The following HECW2 variants were observed in gnomAD, a reference collection of about 807,000 sequenced individuals.
HECW2 encodes the protein E3 ubiquitin-protein ligase HECW2.
In HECW2, 61 loss-of-function variants were observed where a neutral mutation model predicts 175.2. That is an observed-to-expected ratio of 0.35 (90% CI 0.28 to 0.43). HECW2 has a LOEUF of 0.43. Ranked by LOEUF, HECW2 falls within the 20% of genes least tolerant of loss-of-function variation. The pLI is 1.00. For missense variants in HECW2, 1,524 were observed against 2,000.5 expected, an observed-to-expected ratio of 0.76 and a Z score of 4.54; for synonymous variants, 671 against 731.0, an observed-to-expected ratio of 0.92 and a Z score of 1.32.
intron 14 of HECW2, chr2:196,291,139 CT>C (rs1690587890): frequency 6.6e-6 from 1 of 151,956 alleles, no homozygotes; most frequent in African/African-American, 2.4e-5. Flanking sequence ...GTAAAGTTCC[CT>C]CTGCTAGAGG....
chr2:196,397,040 A>T (rs1694687578), intron 2 of HECW2, among the ~76,000 whole-genome samples: 1 of 152,134 alleles, frequency 6.6e-6, no homozygotes, highest in East Asian at 1.9e-4. Context: ...TGAACCCGGG[A>T]GGCGGAGCTT....
At chr2:196,549,950 G>A (rs974891873) in intron 1 of HECW2, among the ~76,000 whole-genome samples, 3 of 152,208 alleles carry the variant, frequency 2.0e-5, no homozygotes, top group African/African-American at 2.4e-5. Context: ...ATGATTCAGT[G>A]GTTGAAGGAG....
intron 2 of HECW2, among the ~76,000 whole-genome samples, chr2:196,419,088 T>C (rs1695336555): frequency 6.6e-6 from 1 of 152,182 alleles, no homozygotes; most frequent in Admixed American, 6.5e-5. Context: ...GTGCTCAGCC[T>C]ACAACATGAA....
chr2:196,400,919 A>G (rs1210318555), intron 2 of HECW2, among the ~76,000 whole-genome samples: 1 of 152,184 alleles, frequency 6.6e-6, no homozygotes, highest in Non-Finnish European at 1.5e-5. Flanking sequence ...AAAAAGAGTT[A>G]TAAAACTTCA....
intron 28 of HECW2, among the ~76,000 whole-genome samples, chr2:196,207,871 A>G (rs765827830): frequency 1.1e-4 from 17 of 152,360 alleles, no homozygotes; most frequent in Non-Finnish European, 2.2e-4. Context: ...ATAGGGGGGA[A>G]TTCCTGTATC....
intron 2 of HECW2, among the ~76,000 whole-genome samples, chr2:196,382,011 A>C (rs1421112725): frequency 6.6e-6 from 1 of 152,198 alleles, no homozygotes; most frequent in African/African-American, 2.4e-5. Flanking sequence ...ACATCTCAAC[A>C]ATAAAAGTGT....
chr2:196,341,381 T>C (rs192760709), intron 3 of HECW2, among the ~76,000 whole-genome samples: 6 of 149,792 alleles, frequency 4.0e-5, no homozygotes, highest in Admixed American at 3.9e-4. Flanking sequence ...ACCAGGATCC[T>C]TTCAAAGGAG....
At chr2:196,297,716 G>A (rs943535514) in intron 13 of HECW2, among the ~76,000 whole-genome samples, 3 of 152,190 alleles carry the variant, frequency 2.0e-5, no homozygotes, top group Non-Finnish European at 4.4e-5. Flanking sequence ...GGAAAAGCAC[G>A]TCACCAAATC....
At chr2:196,362,222 ACC>A (rs1437930283) in intron 2 of HECW2, 1 of 984,636 alleles carries the variant, frequency 1.0e-6, no homozygotes, top group Non-Finnish European at 1.2e-6. Flanking sequence ...TCGTGGCCAC[ACC>A]CCTGTAAAGG....
intron 2 of HECW2, among the ~76,000 whole-genome samples, chr2:196,373,595 C>G (rs1693964622): frequency 6.6e-6 from 1 of 152,092 alleles, no homozygotes; most frequent in Non-Finnish European, 1.5e-5. Context: ...ACCTTCTAAC[C>G]TATTTCAGGG....
At chr2:196,305,211 A>G (rs1316659155) in intron 13 of HECW2, among the ~76,000 whole-genome samples, 2 of 152,230 alleles carry the variant, frequency 1.3e-5, no homozygotes, top group African/African-American at 2.4e-5. Context: ...GTCTTAGCTC[A>G]GTGCCTAGCA....
At chr2:196,249,659 G>A (rs1260415523) in intron 19 of HECW2, among the ~76,000 whole-genome samples, 1 of 152,216 alleles carries the variant, frequency 6.6e-6, no homozygotes, top group Non-Finnish European at 1.5e-5. Flanking sequence ...GGTAGAAGGA[G>A]AAGCTATTTT....
At chr2:196,425,466 T>C (rs1695517338) in intron 2 of HECW2, among the ~76,000 whole-genome samples, 1 of 152,154 alleles carries the variant, frequency 6.6e-6, no homozygotes, top group Non-Finnish European at 1.5e-5. Flanking sequence ...TGGAAGGGAT[T>C]CACCATTCTA....
At chr2:196,302,972 G>C (rs549542706) in intron 13 of HECW2, among the ~76,000 whole-genome samples, 41 of 152,344 alleles carry the variant, frequency 2.7e-4, no homozygotes, top group African/African-American at 8.9e-4. Context: ...TGGTGGCAGA[G>C]AGCATCCTTG....
chr2:196,394,702 T>C (rs897171477), intron 2 of HECW2, among the ~76,000 whole-genome samples: 7 of 152,092 alleles, frequency 4.6e-5, no homozygotes, highest in African/African-American at 1.4e-4. Context: ...GAAAGAAAAA[T>C]GGCTTTGAAA....
chr2:196,579,378 C>G lies in HECW2; in HGVS notation c.-36+14130G>C, dbSNP rs76021383. 1.7e-3 allele frequency among the ~76,000 whole-genome samples: 258 copies of G among 152,032 alleles called. 1 individual carries two copies. The highest frequency in any genetic ancestry group is 6.0e-3 in the African/African-American group (250 of 41,500). On this transcript the variant is annotated intron_variant, in intron 1 of 28. Coordinates refer to ENST00000644978, the MANE Select transcript of HECW2 (RefSeq NM_001348768.2). The stretch of plus-strand genomic sequence containing the variant: ...AGACAAGTAGAAGACATGTAGAAAA[C>G]AAACAGGAAAGAGACAGACATAAAT...
intron 7 of HECW2, 82 bp downstream of exon 7, chr2:196,322,396 G>C (rs540049785): frequency 6.3e-5 from 74 of 1,174,416 alleles, no homozygotes; most frequent in Non-Finnish European, 8.4e-5. Context: ...AGTATGAAAA[G>C]TCCTAGGACT....
chr2:196,369,231 C>T (rs777811858), intron 2 of HECW2, among the ~76,000 whole-genome samples: 73 of 152,192 alleles, frequency 4.8e-4, no homozygotes, highest in Non-Finnish European at 9.1e-4. Context: ...GTGAGTCTTG[C>T]AGACTCCTAT....
intron 14 of HECW2, among the ~76,000 whole-genome samples, chr2:196,282,252 G>A (rs1022485251): frequency 1.3e-5 from 2 of 152,274 alleles, no homozygotes; most frequent in East Asian, 1.9e-4. Flanking sequence ...ATGATCCTTC[G>A]TTCTGTCCTT....
Sources: gnomAD v4.1 joint callset for allele counts (sites outside exome capture counted in the v4.1 genomes callset) on GRCh38, gnomAD v4.1.1 for gene constraint, MANE v1.5 for transcripts, NCBI Gene and HGNC (gene_info 2026-07-23, HGNC 2026-07-21) for gene names.